SERGEF: variants seen among roughly 807,000 people sequenced by gnomAD.
The protein encoded by SERGEF is secretion regulating guanine nucleotide exchange factor, also known as secretion-regulating guanine nucleotide exchange factor.
Under a neutral mutation model 50.0 loss-of-function variants are expected in SERGEF, and 51 were observed. That is an observed-to-expected ratio of 1.02 (90% CI 0.81 to 1.29). The LOEUF (loss-of-function observed/expected upper bound fraction) is 1.29. Ranked by LOEUF, SERGEF falls within the 50% of genes most tolerant of loss-of-function variation. The pLI is 0.00. For synonymous variants in SERGEF, 205 were observed against 212.4 expected (o/e 0.97, Z 0.30); for missense variants, 521 against 557.0 (o/e 0.94, Z 0.65).
At chr11:17,899,863 G>A (rs1851715450) in intron 9 of SERGEF, among the ~76,000 whole-genome samples, 1 of 151,898 alleles carries the variant, frequency 6.6e-6, no homozygotes, top group Non-Finnish European at 1.5e-5. Flanking sequence ...GGCTGAGGTG[G>A]GAGGATGGCT....
At chr11:17,843,656 G>A (rs189360263) in intron 10 of SERGEF, among the ~76,000 whole-genome samples, 4 of 152,320 alleles carry the variant, frequency 2.6e-5, no homozygotes, top group African/African-American at 9.6e-5. Flanking sequence ...ATAAAGCCAT[G>A]AGAGCCCATT....
chr11:17,959,443 T>A, intron 9 of SERGEF, 27 bp downstream of exon 9: 1 of 1,604,688 alleles, frequency 6.2e-7, no homozygotes, highest in Non-Finnish European at 8.5e-7. Flanking sequence ...AAGGGACAGA[T>A]TACATCTGTG....
At chr11:17,890,276 T>C (rs970258375) in intron 9 of SERGEF, among the ~76,000 whole-genome samples, 2 of 152,136 alleles carry the variant, frequency 1.3e-5, no homozygotes, top group African/African-American at 4.8e-5. Flanking sequence ...AGTAAATGTA[T>C]TGAAGATAAT....
intron 10 of SERGEF, among the ~76,000 whole-genome samples, chr11:17,859,241 A>G (rs1164040331): frequency 6.6e-6 from 1 of 152,208 alleles, no homozygotes; most frequent in Non-Finnish European, 1.5e-5. Flanking sequence ...TAATATCCAT[A>G]GAAAAATGAT....
chr11:17,844,178 C>G (rs1004012232), intron 10 of SERGEF, among the ~76,000 whole-genome samples: 4 of 152,124 alleles, frequency 2.6e-5, no homozygotes, highest in Non-Finnish European at 4.4e-5. Context: ...ACTTCAGACT[C>G]AGGTATCCAA....
chr11:17,893,375 A>T (rs1851567741), intron 9 of SERGEF, among the ~76,000 whole-genome samples: 1 of 152,228 alleles, frequency 6.6e-6, no homozygotes, highest in Non-Finnish European at 1.5e-5. Flanking sequence ...TTGCCCCACC[A>T]GATAGTGAAG....
chr11:17,988,083 G>A (rs1466509633), intron 8 of SERGEF, among the ~76,000 whole-genome samples: 1 of 152,198 alleles, frequency 6.6e-6, no homozygotes, highest in Non-Finnish European at 1.5e-5. Flanking sequence ...TGTATGGCAT[G>A]ATGTGGTAAC....
chr11:17,932,171 A>AAAAGAAAG (rs1448674064), intron 9 of SERGEF, among the ~76,000 whole-genome samples: 2 of 152,288 alleles, frequency 1.3e-5, no homozygotes, highest in South Asian at 2.1e-4. Flanking sequence ...AGTATAATAA[A>AAAAGAAAG]AAAGAAAGAA....
chr11:17,981,436 G>T (rs1227278124), intron 8 of SERGEF, among the ~76,000 whole-genome samples: 1 of 152,186 alleles, frequency 6.6e-6, no homozygotes, highest in African/African-American at 2.4e-5. Flanking sequence ...CACAAGATCT[G>T]GAATTAGAAT....
chr11:17,965,898 T>C (rs1429863716), intron 8 of SERGEF, among the ~76,000 whole-genome samples: 1 of 152,150 alleles, frequency 6.6e-6, no homozygotes, highest in Non-Finnish European at 1.5e-5. Context: ...AACAAAAGCA[T>C]CTCCCTTGCA....
rs899675074 is a variant in SERGEF, at chr11:17,971,018, C to T, written c.845-11382G>A. Among the ~76,000 whole-genome samples, 3 of 151,934 alleles carry T rather than the reference C, an allele frequency of 2.0e-5. No individual in the cohort carries two copies. The East Asian group carries it at 5.8e-4, about 29-fold the overall frequency. On this transcript the variant is annotated intron_variant, in intron 8 of 10. Coordinates refer to ENST00000265965, the MANE Select transcript of SERGEF (RefSeq NM_012139.4). ...GACCATCCTGGCTAACATGGTGAAA[C>T]CCCGTCTCTACAAAAAATACAAAAA...
At chr11:17,918,744 G>A (rs1461000126) in intron 9 of SERGEF, 19 of 448,212 alleles carry the variant, frequency 4.2e-5, no homozygotes, top group Non-Finnish European at 2.2e-5. Flanking sequence ...TGGACATCAG[G>A]GAAGACTTTC....
intron 9 of SERGEF, among the ~76,000 whole-genome samples, chr11:17,949,882 T>G (rs1443130031): frequency 6.6e-6 from 1 of 152,162 alleles, no homozygotes; most frequent in Non-Finnish European, 1.5e-5. Context: ...CCAAGATGAT[T>G]ATAAGACATC....
At chr11:17,919,551 T>G (rs1458939712) in intron 9 of SERGEF, among the ~76,000 whole-genome samples, 1 of 152,060 alleles carries the variant, frequency 6.6e-6, no homozygotes, top group East Asian at 1.9e-4. Flanking sequence ...TCCAAACCAT[T>G]TGAAAAATGG....
intron 9 of SERGEF, among the ~76,000 whole-genome samples, chr11:17,901,303 T>C (rs2133920536): frequency 6.6e-6 from 1 of 152,356 alleles, no homozygotes; most frequent in East Asian, 1.9e-4. Context: ...CTGCTGTTTC[T>C]TCTTCTCTCC....
intron 9 of SERGEF, among the ~76,000 whole-genome samples, chr11:17,903,147 C>A (rs940488412): frequency 2.0e-5 from 3 of 152,138 alleles, no homozygotes; most frequent in Admixed American, 6.5e-5. Flanking sequence ...CCAGAAAGGA[C>A]CAGAAGATTT....
intron 9 of SERGEF, among the ~76,000 whole-genome samples, chr11:17,907,587 T>C (rs1169404813): frequency 6.6e-6 from 1 of 152,228 alleles, no homozygotes. Flanking sequence ...CAAATAAGGT[T>C]GCCCTTTTCC....
intron 10 of SERGEF, among the ~76,000 whole-genome samples, chr11:17,802,146 G>A (rs1238725967): frequency 6.6e-6 from 1 of 152,198 alleles, no homozygotes; most frequent in Non-Finnish European, 1.5e-5. Context: ...GAAGCAGGGT[G>A]TCAGCAGGAG....
chr11:17,901,936 G>A (rs950986590), intron 9 of SERGEF, among the ~76,000 whole-genome samples: 7 of 152,162 alleles, frequency 4.6e-5, no homozygotes, highest in African/African-American at 1.7e-4. Flanking sequence ...TCTGTAACGT[G>A]AACATAACTC....
Sources: gnomAD v4.1 joint callset for allele counts (sites outside exome capture counted in the v4.1 genomes callset) on GRCh38, gnomAD v4.1.1 for gene constraint, MANE v1.5 for transcripts, NCBI Gene and HGNC (gene_info 2026-07-23, HGNC 2026-07-21) for gene names.